PSG3: variants seen among roughly 807,000 people sequenced by gnomAD.
The protein encoded by PSG3 is pregnancy-specific beta-1-glycoprotein 3.
Under a neutral mutation model 47.5 loss-of-function variants are expected in PSG3, and 61 were observed. The observed-to-expected ratio is 1.28, with a 90% CI of 1.05 to 1.59. The LOEUF is 1.59. Ranked by LOEUF, PSG3 falls within the 40% of genes most tolerant of loss-of-function variation. PSG3 has a pLI of 0.00. For missense variants in PSG3, 756 were observed against 524.0 expected, an observed-to-expected ratio of 1.44 and a Z score of -4.32; for synonymous variants, 263 against 198.4, an observed-to-expected ratio of 1.33 and a Z score of -2.74.
At chr19:42,731,099 C>A (rs10422629) in intron 3 of PSG3, among the ~76,000 whole-genome samples, 4,504 of 152,218 alleles carry the variant, frequency 0.03, 225 homozygotes, top group African/African-American at 0.1. Flanking sequence ...TTGCCAGGAG[C>A]TGGGAGTGGG....
In PSG3 at chr19:42,740,423, G is replaced by A. The variant is rs760402038; in HGVS notation, c.-39C>T. On this transcript the variant is annotated 5_prime_UTR_variant, in exon 1 of 7. Transcript: ENST00000327495. ...TGCGTGTTCTCCTCTGTGGAGCTGA[G>A]CCTAGGATCCAGAAACTTCCTGAGC... 1 of 1,613,692 alleles carries A rather than the reference G, an allele frequency of 6.2e-7. No individual in the cohort carries two copies. The highest frequency in any genetic ancestry group is 1.3e-5 in the African/African-American group (1 of 74,906).
In PSG3 at chr19:42,721,783, A is replaced by T. The variant is rs1353745536; in HGVS notation, c.*348T>A. On this transcript the variant is annotated 3_prime_UTR_variant, in exon 7 of 7. Transcript: ENST00000327495. ...TACTTTACCAATTGCTGAAGAAAAA[A>T]AGTGCATAAATCTGGAGAATAAAAC... The T allele has an allele frequency of 7.4e-6, 3 of 407,080 alleles. No homozygotes were observed. The highest frequency in any genetic ancestry group is 1.3e-5 in the Non-Finnish European group (3 of 224,894). 25.2% of individuals were successfully genotyped at this position (407,080 alleles called of 1,614,324 possible). A position where few individuals can be genotyped will look rare whatever the true frequency, so the allele number is the denominator to read the frequency against.
At position 42,732,867 on chromosome 19, in the gene PSG3, T is replaced by A. The variant is rs564530320; in HGVS notation, c.626A>T (p.Lys209Met). The A allele has an allele frequency of 6.2e-7, 1 of 1,614,040 alleles. No homozygotes were observed. The highest frequency in any genetic ancestry group is 1.1e-5 in the South Asian group (1 of 91,086). The stretch of plus-strand genomic sequence containing the variant: ...ACATTCATAGGGTCCTGCAGTGTAC[T>A]TTGTGACACCAAATAGAAAGAGGGT... ...KRTLFLFGVT[K>M]YTAGPYECEI... The change falls in exon 3 of 7, where the codon AAG (lysine) becomes ATG (methionine). Residue 209 changes from lysine to methionine, a missense_variant. Transcript: ENST00000327495.
rs764812973 is a variant in PSG3 at position 42,738,772 on chromosome 19, C to G, written c.382G>C (p.Gly128Arg). The stretch of plus-strand genomic sequence containing the variant: ...CCAGTTTCTCCTCTAGTCCCATCAC[C>G]TCGCTTTACGATGTGTAAGGTGTAG... ...GSYTLHIVKR[G>R]DGTRGETGHF... Residue 128 changes from glycine (G) to arginine (R), a missense_variant, in exon 2 of 7, where the codon GGT becomes CGT. Gly to Arg is a moderately radical substitution (Grantham distance 125). Coordinates refer to ENST00000327495, the MANE Select transcript of PSG3 (RefSeq NM_021016.4). 6.2e-7 allele frequency: 1 copy of G among 1,614,062 alleles called. No homozygotes were observed. The highest frequency in any genetic ancestry group is 8.5e-7 in the Non-Finnish European group (1 of 1,179,934).
chr19:42,732,998 C>T lies in PSG3; in HGVS notation c.495G>A (p.Val165=), dbSNP rs1969501275. 1 of 1,614,174 alleles carries T rather than the reference C, an allele frequency of 6.2e-7. No individual in the cohort carries two copies. The highest frequency in any genetic ancestry group is 8.5e-7 in the Non-Finnish European group (1 of 1,180,024). Reference sequence around the variant, plus strand: ...GAGTCTCAGGATCACAGGTTAAGCTCACAGCCTCCATGTCCTCCCTGGGGT... The same window carrying T: ...GAGTCTCAGGATCACAGGTTAAGCTTACAGCCTCCATGTCCTCCCTGGGGT... ...NLYPREDMEA[V]SLTCDPETPD... is the part of the protein sequence containing the mutation. Residue 165 remains valine, a synonymous_variant, in exon 3 of 7, where the codon GTG becomes GTA. Coordinates refer to ENST00000327495, the MANE Select transcript of PSG3 (RefSeq NM_021016.4).
rs189368686 is a variant in PSG3, at chr19:42,722,259, T to A, written c.*41-169A>T. 1.4e-3 allele frequency among the ~76,000 whole-genome samples: 216 copies of A among 151,380 alleles called. 2 individuals carry two copies. The highest frequency in any genetic ancestry group is 1.6e-3 in the African/African-American group (67 of 41,346). ...ATTTTTAGAATACTCATTAAAAAAA[T>A]TTTTTTTTTGAGACGGAGTCTCACT... On this transcript the variant is annotated intron_variant, in intron 6 of 6. Transcript: ENST00000327495.
intron 5 of PSG3, among the ~76,000 whole-genome samples, chr19:42,727,408 A>C (rs1969395020): frequency 6.6e-6 from 1 of 152,236 alleles, no homozygotes; most frequent in Non-Finnish European, 1.5e-5. Flanking sequence ...ACAAGTCAAC[A>C]ACAGCAAACA....
At chr19:42,724,695 A>T (rs945998999) in intron 5 of PSG3, among the ~76,000 whole-genome samples, 1 of 150,996 alleles carries the variant, frequency 6.6e-6, no homozygotes, top group Non-Finnish European at 1.5e-5. Flanking sequence ...CCTGCCCCAC[A>T]TTCCCTCACA....
At chr19:42,725,890 CAAAAAAAAAA>C (rs200684147) in intron 5 of PSG3, among the ~76,000 whole-genome samples, 1 of 68,054 alleles carries the variant, frequency 1.5e-5, no homozygotes, top group African/African-American at 6.2e-5. Flanking sequence ...CAACAACAAC[CAAAAAAAAAA>C]AAAAAAAAAG....
Position 42,738,936 on chromosome 19 carries a change from T to A in PSG3, c.218A>T (p.Lys73Met). Reference sequence around the variant, plus strand: ...TGATGTAATGTAATGGTAGAGGTCCTTCATTTGCCCTTTGTACCAGATGTA... The same window carrying A: ...TGATGTAATGTAATGGTAGAGGTCCATCATTTGCCCTTTGTACCAGATGTA... The part of the protein sequence containing the change: ...AGYIWYKGQM[K>M]DLYHYITSYV... The change falls in exon 2 of 7, where the codon AAG becomes ATG. Residue 73 changes from lysine to methionine, a missense_variant. Coordinates refer to ENST00000327495, the MANE Select transcript of PSG3 (RefSeq NM_021016.4). 6.2e-7 allele frequency: 1 copy of A among 1,614,074 alleles called. No homozygotes were observed. The highest frequency in any genetic ancestry group is 1.1e-5 in the South Asian group (1 of 91,080).
intron 1 of PSG3, among the ~76,000 whole-genome samples, chr19:42,739,960 T>C (rs1392948893): frequency 2.0e-5 from 3 of 148,582 alleles, no homozygotes; most frequent in Non-Finnish European, 4.5e-5. Flanking sequence ...TTTCCATTCT[T>C]TTTTTTTTTT....
chr19:42,738,633 G>T, intron 2 of PSG3, 91 bp downstream of exon 2: 4 of 1,607,826 alleles, frequency 2.5e-6, no homozygotes, highest in East Asian at 2.2e-5. Flanking sequence ...ATGCAGAGAG[G>T]GACACAGGCA....
chr19:42,729,804 C>T lies in PSG3; in HGVS notation c.962G>A (p.Ser321Asn). ...EIQDRYGGIR[S>N]YPVTLNVLYG... ...GAGGACATTCAGGGTGACTGGGTAA[C>T]TGCGGATGCCACCATATCGGTCCTG... Residue 321 changes from serine to asparagine, a missense_variant, in exon 4 of 7, where the codon AGT becomes AAT. Ser to Asn is a conservative substitution (Grantham distance 46, BLOSUM62 1). Coordinates refer to ENST00000327495, the MANE Select transcript of PSG3 (RefSeq NM_021016.4). 1 of 1,613,310 alleles carries T rather than the reference C, an allele frequency of 6.2e-7. No individual in the cohort carries two copies. Among genetic ancestry groups the T allele is most frequent in the Non-Finnish European group, 8.5e-7 (1 of 1,179,702 alleles).
intron 5 of PSG3, among the ~76,000 whole-genome samples, chr19:42,725,982 T>C (rs960676455): frequency 4.6e-5 from 7 of 151,694 alleles, no homozygotes; most frequent in African/African-American, 9.7e-5. Flanking sequence ...TAAATAATTG[T>C]ATGCCAATAA....
At chr19:42,728,254 A>G (rs1229783271) in intron 5 of PSG3, among the ~76,000 whole-genome samples, 1 of 152,198 alleles carries the variant, frequency 6.6e-6, no homozygotes, top group East Asian at 1.9e-4. Flanking sequence ...TAAGTCTTAT[A>G]TTAGATATAT....
Position 42,730,858 on chromosome 19 carries a change from C to T in PSG3, c.710-802G>A, listed in dbSNP as rs190777118. Among the ~76,000 whole-genome samples the T allele has an allele frequency of 8.1e-3, 1,236 of 152,328 alleles. 11 individuals carry two copies. Among genetic ancestry groups the T allele is most frequent in the Non-Finnish European group, 0.012 (823 of 68,030 alleles). ...GACCATGTGGATCTTTCCAGAAATA[C>T]ATGTGGACATTTGCAAATGCAGCAC... On this transcript the variant is annotated intron_variant, in intron 3 of 6. Coordinates refer to ENST00000327495, the MANE Select transcript of PSG3 (RefSeq NM_021016.4).
At chr19:42,736,932 C>T (rs1390514414) in intron 2 of PSG3, among the ~76,000 whole-genome samples, 1 of 152,010 alleles carries the variant, frequency 6.6e-6, no homozygotes, top group Non-Finnish European at 1.5e-5. Context: ...GAACAGTCAG[C>T]CTAGTTAGAG....
At chr19:42,739,660 T>G (rs987039001) in intron 1 of PSG3, among the ~76,000 whole-genome samples, 2 of 152,158 alleles carry the variant, frequency 1.3e-5, no homozygotes, top group African/African-American at 2.4e-5. Flanking sequence ...GGGCCCTCCA[T>G]GCCCTGGGTG....
intron 3 of PSG3, among the ~76,000 whole-genome samples, chr19:42,730,979 T>C (rs956197186): frequency 2.6e-5 from 4 of 152,342 alleles, no homozygotes; most frequent in Admixed American, 2.0e-4. Context: ...AGAGAAGTTT[T>C]GCAAATATTT....
Sources: gnomAD v4.1 joint callset for allele counts (sites outside exome capture counted in the v4.1 genomes callset) on GRCh38, gnomAD v4.1.1 for gene constraint, MANE v1.5 for transcripts, NCBI Gene and HGNC (gene_info 2026-07-23, HGNC 2026-07-21) for gene names.